Variants in ZNF208 observed in about 807,000 individuals in gnomAD.
ZNF208 encodes zinc finger protein 208.
ZNF208 carries 10 observed loss-of-function variants against 12.1 expected under a neutral mutation model. The ratio of observed to expected loss-of-function variants is 0.83; its 90% confidence interval spans 0.51 to 1.40. The LOEUF (loss-of-function observed/expected upper bound fraction) is 1.40. Ranked by LOEUF, ZNF208 falls within the 40% of genes most tolerant of loss-of-function variation. The pLI is 0.00. For missense variants in ZNF208, 1,652 were observed against 1,485.0 expected (o/e 1.11, Z -1.85); for synonymous variants, 497 against 488.4 (o/e 1.02, Z -0.23).
chr19:21,988,582 C>A (rs1341797762), intron 2 of ZNF208, among the ~76,000 whole-genome samples: 1 of 152,134 alleles, frequency 6.6e-6, no homozygotes, highest in Admixed American at 6.5e-5. Context: ...ATCTCCTTTA[C>A]TCAATAAATA....
rs549826637 is a variant in ZNF208, at chr19:21,948,804, A to G, written c.306-15567T>C. 1.7e-3 allele frequency among the ~76,000 whole-genome samples: 253 copies of G among 152,286 alleles called. 2 individuals carry two copies. The highest frequency in any genetic ancestry group is 2.8e-3 in the Non-Finnish European group (193 of 68,028). ...TACAGGCAGCAAAAAAACTCAAAAA[A>G]ACAAACAGTAGGTTACCTAGAGCCA... On this transcript the variant is annotated intron_variant, in intron 4 of 4. Transcript: ENST00000599916.
intron 4 of ZNF208, among the ~76,000 whole-genome samples, chr19:21,955,232 C>T (rs1969953839): frequency 6.6e-6 from 1 of 152,206 alleles, no homozygotes; most frequent in South Asian, 2.1e-4. Flanking sequence ...TGTGGGTAAC[C>T]TGACCTTTCT....
intron 4 of ZNF208, among the ~76,000 whole-genome samples, chr19:21,955,678 T>C (rs1969962073): frequency 1.3e-5 from 2 of 152,210 alleles, no homozygotes; most frequent in African/African-American, 4.8e-5. Context: ...TTCAGCTTCA[T>C]TAGGTCATTT....
In ZNF208 at chr19:21,973,359, C is replaced by T; in HGVS notation, c.1675G>A (p.Gly559Ser). The T allele has an allele frequency of 1.2e-6, 2 of 1,611,214 alleles. No individual in the cohort carries two copies. The highest frequency in any genetic ancestry group is 2.2e-5 in the East Asian group (1 of 44,754). ...GTTGAGGACCACTTATAGGCTTTGC[C>T]ACATTCTTCACATTTGTAGGGTTTC... The part of the protein sequence containing the change: ...GEKPYKCEEC[G>S]KAYKWSSTLS... Residue 559 changes from glycine (G) to serine (S), a missense_variant, in exon 4 of 4, where the codon GGC becomes AGC. Gly to Ser is a moderately conservative substitution (Grantham distance 56, BLOSUM62 0). Transcript: ENST00000397126.
chr19:21,965,248 A>C (rs1334045706), downstream of ZNF208, among the ~76,000 whole-genome samples: 1 of 152,106 alleles, frequency 6.6e-6, no homozygotes, highest in Non-Finnish European at 1.5e-5. Context: ...ACACTAAAAT[A>C]AAGTATCACT....
At chr19:21,987,408 A>G in intron 2 of ZNF208, 97 bp from the exon 3 acceptor site, 1 of 1,202,816 alleles carries the variant, frequency 8.3e-7, no homozygotes. Flanking sequence ...AGAATATTCT[A>G]ATAGATTTAT....
chr19:22,007,587 T>G (rs550885375), intron 1 of ZNF208, among the ~76,000 whole-genome samples: 22 of 151,394 alleles, frequency 1.5e-4, no homozygotes, highest in Admixed American at 1.3e-3. Context: ...TGAATGAGAA[T>G]TTTCAACAAA....
At chr19:21,999,374 G>T (rs199893626) in intron 1 of ZNF208, among the ~76,000 whole-genome samples, 1 of 152,026 alleles carries the variant, frequency 6.6e-6, no homozygotes, top group African/African-American at 2.4e-5. Context: ...ATGAATGCAG[G>T]TTGTCTACAA....
At chr19:21,945,151 T>C (rs1247947374) in intron 4 of ZNF208, among the ~76,000 whole-genome samples, 1 of 152,176 alleles carries the variant, frequency 6.6e-6, no homozygotes, top group African/African-American at 2.4e-5. Flanking sequence ...ATCCAGAACA[T>C]GCTTACTAAT....
downstream of ZNF208, among the ~76,000 whole-genome samples, chr19:21,963,390 T>TG (rs1970110432): frequency 6.6e-6 from 1 of 152,058 alleles, no homozygotes; most frequent in Non-Finnish European, 1.5e-5. Flanking sequence ...TTTTTGAAGT[T>TG]GGAGTGATAT....
intron 3 of ZNF208, among the ~76,000 whole-genome samples, chr19:21,977,328 G>A (rs544146607): frequency 3.9e-5 from 6 of 152,318 alleles, no homozygotes; most frequent in South Asian, 2.1e-4. Context: ...AGCTCCCAGC[G>A]CGATCGACAC....
chr19:22,004,104 G>C (rs1417715284), intron 1 of ZNF208, among the ~76,000 whole-genome samples: 1 of 152,118 alleles, frequency 6.6e-6, no homozygotes, highest in African/African-American at 2.4e-5. Flanking sequence ...GCTTGAGCCT[G>C]AGAGGTTGAG....
intron 4 of ZNF208, among the ~76,000 whole-genome samples, chr19:21,948,823 A>G (rs536035030): frequency 5.3e-5 from 8 of 152,194 alleles, no homozygotes; most frequent in South Asian, 2.1e-4. Flanking sequence ...TAGGTTACCT[A>G]GAGCCAGTCA....
intron 4 of ZNF208, among the ~76,000 whole-genome samples, chr19:21,960,621 T>A (rs540635583): frequency 1.3e-5 from 2 of 152,138 alleles, no homozygotes; most frequent in African/African-American, 4.8e-5. Context: ...CTGGAATGGA[T>A]AGTGTCCATA....
chr19:21,962,536 G>T (rs1311891856), downstream of ZNF208, among the ~76,000 whole-genome samples: 3 of 151,664 alleles, frequency 2.0e-5, no homozygotes, highest in African/African-American at 4.8e-5. Flanking sequence ...ATCTTTCAGG[G>T]ATTATATTTT....
At chr19:21,957,187 GCAC>G (rs1415572371) in intron 4 of ZNF208, among the ~76,000 whole-genome samples, 3 of 152,070 alleles carry the variant, frequency 2.0e-5, no homozygotes, top group Non-Finnish European at 4.4e-5. Context: ...CTACAGGCAT[GCAC>G]CACCATGGCC....
At chr19:21,980,487 T>C (rs1463816589) in intron 3 of ZNF208, among the ~76,000 whole-genome samples, 1 of 151,958 alleles carries the variant, frequency 6.6e-6, no homozygotes, top group Non-Finnish European at 1.5e-5. Context: ...AATAATAAAA[T>C]GAAGGCAGAA....
At chr19:21,957,752 G>A (rs1240085414) in intron 4 of ZNF208, among the ~76,000 whole-genome samples, 1 of 152,136 alleles carries the variant, frequency 6.6e-6, no homozygotes, top group Non-Finnish European at 1.5e-5. Context: ...TGTTCAAATA[G>A]TTAGGCCAAG....
rs976796831 is a variant in ZNF208, at chr19:21,968,972, C to G, written c.*2219G>C. On this transcript the variant is annotated 3_prime_UTR_variant, in exon 4 of 4. Coordinates refer to ENST00000397126, the MANE Select transcript of ZNF208 (RefSeq NM_007153.3). ...GGCCAAGGTGGGCATATCATGAGGTCAGGAGATAGAGACCGTCCTGGCTAA... is the reference window on the plus strand; with the variant it reads ...GGCCAAGGTGGGCATATCATGAGGTGAGGAGATAGAGACCGTCCTGGCTAA... 6.6e-6 allele frequency among the ~76,000 whole-genome samples: 1 copy of G among 152,102 alleles called. No individual in the cohort carries two copies. The highest frequency in any genetic ancestry group is 1.5e-5 in the Non-Finnish European group (1 of 68,028).
Sources: gnomAD v4.1 joint callset for allele counts (sites outside exome capture counted in the v4.1 genomes callset) on GRCh38, gnomAD v4.1.1 for gene constraint, MANE v1.5 for transcripts, NCBI Gene and HGNC (gene_info 2026-07-23, HGNC 2026-07-21) for gene names.